Variants in CSRNP3 observed in about 807,000 individuals in gnomAD.
CSRNP3 encodes cysteine and serine rich nuclear protein 3, also known as cysteine/serine-rich nuclear protein 3.
A neutral mutation model predicts 48.0 loss-of-function variants in CSRNP3; 12 were observed. The ratio of observed to expected loss-of-function variants is 0.25; its 90% CI spans 0.16 to 0.41. CSRNP3 has a LOEUF of 0.41. Among genes scored for constraint, CSRNP3 ranks in the 10% least tolerant of loss-of-function variants. The pLI is 1.00. For synonymous variants in CSRNP3, 263 were observed against 269.7 expected, an observed-to-expected ratio of 0.98 and a Z score of 0.24; for missense variants, 580 against 724.4, an observed-to-expected ratio of 0.80 and a Z score of 2.29.
chr2:165,573,573 C>T (rs1685404084), intron 3 of CSRNP3, among the ~76,000 whole-genome samples: 1 of 152,150 alleles, frequency 6.6e-6, no homozygotes, highest in Non-Finnish European at 1.5e-5. Flanking sequence ...GATTTAAATA[C>T]ATAGTTTAAC....
rs1277257289 is a variant in CSRNP3, at chr2:165,676,529, G to A, written c.626G>A (p.Arg209Gln). The A allele has an allele frequency of 1.9e-6, 3 of 1,614,120 alleles. No individual in the cohort carries two copies. The highest frequency in any genetic ancestry group is 2.2e-5 in the East Asian group (1 of 44,852). Residue 209 changes from arginine (R) to glutamine (Q), a missense_variant, in exon 6 of 7, where the codon CGA (arginine) becomes CAA (glutamine). Arg to Gln is a conservative substitution (Grantham distance 43). This residue lies in a region of CSRNP3 where 66 missense variants were observed against 137.6 expected (regional missense o/e 0.48). Coordinates refer to ENST00000651982, the MANE Select transcript of CSRNP3 (RefSeq NM_001172173.2). ...KHELRAIRLS[R>Q]EDCGCDCRVF... The stretch of plus-strand genomic sequence containing the variant: ...GAACTCCGAGCCATCCGCCTCTCAC[G>A]AGAGGACTGTGGCTGTGACTGCCGA...
At chr2:165,479,919 A>G (rs1684017561) in intron 1 of CSRNP3, among the ~76,000 whole-genome samples, 1 of 151,566 alleles carries the variant, frequency 6.6e-6, no homozygotes, top group Non-Finnish European at 1.5e-5. Context: ...CGGTATGGCT[A>G]GGTTCTTTGT....
intron 1 of CSRNP3, among the ~76,000 whole-genome samples, chr2:165,478,986 A>C (rs75415023): frequency 0.032 from 4,841 of 152,312 alleles, 108 homozygotes; most frequent in Non-Finnish European, 0.046. Flanking sequence ...TTATTAACTA[A>C]AGATAAACAG....
chr2:165,556,309 C>T (rs1328172332), intron 3 of CSRNP3, among the ~76,000 whole-genome samples: 1 of 152,094 alleles, frequency 6.6e-6, no homozygotes, highest in Admixed American at 6.6e-5. Context: ...ACTATAGGTT[C>T]ACTGTTTGAC....
intron 3 of CSRNP3, among the ~76,000 whole-genome samples, chr2:165,578,787 T>C (rs1685494715): frequency 6.6e-6 from 1 of 152,148 alleles, no homozygotes; most frequent in Admixed American, 6.5e-5. Context: ...TTATATGTGA[T>C]TTCAAGCTAT....
In CSRNP3 at chr2:165,477,534, T is replaced by C. The variant is rs555820348; in HGVS notation, c.-283+7794T>C. 9.8e-4 allele frequency among the ~76,000 whole-genome samples: 138 copies of C among 140,152 alleles called. 1 individual carries two copies. Among genetic ancestry groups the C allele is most frequent in the Non-Finnish European group, 1.8e-3 (117 of 64,350 alleles). The allele number at this position is 140,152 out of a possible 152,430, so 91.9% of individuals were successfully genotyped here. A position where few individuals can be genotyped will look rare whatever the true frequency, so the allele number is the denominator to read the frequency against. On this transcript the variant is annotated intron_variant, in intron 1 of 6. Transcript: ENST00000651982. ...ATATATATATATTAGCCAGGTGTGG[T>C]CGTGGGTACCTGTAATCCCAGCTAC...
intron 4 of CSRNP3, among the ~76,000 whole-genome samples, chr2:165,636,090 G>A (rs9287860): frequency 0.45 from 68,690 of 151,990 alleles, 17,745 homozygotes; most frequent in South Asian, 0.68. Flanking sequence ...TTAAACTTAC[G>A]TAAATGAATG....
intron 2 of CSRNP3, among the ~76,000 whole-genome samples, chr2:165,504,028 AT>A (rs1171370305): frequency 6.6e-6 from 1 of 152,020 alleles, no homozygotes; most frequent in Non-Finnish European, 1.5e-5. Flanking sequence ...AATGAAAAAT[AT>A]TCTTCCTAAT....
intron 5 of CSRNP3, among the ~76,000 whole-genome samples, chr2:165,676,090 A>G (rs544413852): frequency 6.6e-6 from 1 of 152,318 alleles, no homozygotes; most frequent in South Asian, 2.1e-4. Context: ...TATGAGTTCC[A>G]ATTAACAGTC....
chr2:165,627,722 C>G (rs1379024210), intron 4 of CSRNP3, among the ~76,000 whole-genome samples: 1 of 152,178 alleles, frequency 6.6e-6, no homozygotes, highest in Non-Finnish European at 1.5e-5. Context: ...CATGACCTTA[C>G]TCTCACAATC....
At chr2:165,586,968 T>C (rs551358410) in intron 3 of CSRNP3, among the ~76,000 whole-genome samples, 221 of 152,366 alleles carry the variant, frequency 1.5e-3, no homozygotes, top group South Asian at 5.6e-3. Context: ...CCATTAACTT[T>C]GCCTTCCCAA....
Position 165,687,838 on chromosome 2 carries a change from C to T in CSRNP3, c.*8085C>T, listed in dbSNP as rs1401495743. 1 of 152,002 alleles carries T rather than the reference C, an allele frequency of 6.6e-6. No individual in the cohort carries two copies. The highest frequency in any genetic ancestry group is 6.6e-5 in the Admixed American group (1 of 15,240). 9.4% of individuals were successfully genotyped at this position (152,002 alleles called of 1,614,324 possible). A position where few individuals can be genotyped will look rare whatever the true frequency, so the allele number is the denominator to read the frequency against. On this transcript the variant is annotated 3_prime_UTR_variant, in exon 7 of 7. Transcript: ENST00000651982. ...GAGCTTTCAAAGCCTTTTTTATCTG[C>T]TCAGAGTTGACACCCAACTCAGAGT...
In CSRNP3 at chr2:165,688,995, A is replaced by T. The variant is rs1687674509; in HGVS notation, c.*9242A>T. On this transcript the variant is annotated 3_prime_UTR_variant, in exon 7 of 7. Transcript: ENST00000651982. ...AAAGGAGGAAAATCAACTCCAGTCC[A>T]CACATACAGTCATGTTACATTAAGA... 1 of 152,134 alleles carries T rather than the reference A, an allele frequency of 6.6e-6. No individual in the cohort carries two copies. Among genetic ancestry groups the T allele is most frequent in the African/African-American group, 2.4e-5 (1 of 41,460 alleles). 9.4% of individuals were successfully genotyped at this position (152,134 alleles called of 1,614,324 possible).
chr2:165,512,497 C>T (rs1436531330), intron 2 of CSRNP3, among the ~76,000 whole-genome samples: 1 of 152,166 alleles, frequency 6.6e-6, no homozygotes, highest in African/African-American at 2.4e-5. Flanking sequence ...ATGGTGACCA[C>T]CTCATCTATA....
At chr2:165,668,397 C>CTTTTTT (rs1465526682) in intron 5 of CSRNP3, among the ~76,000 whole-genome samples, 22 of 114,460 alleles carry the variant, frequency 1.9e-4, no homozygotes, top group East Asian at 1.7e-3. Context: ...TTCTTTCTTT[C>CTTTTTT]TTTCTTTTTT....
chr2:165,522,717 T>C (rs561889262), intron 3 of CSRNP3, among the ~76,000 whole-genome samples: 2 of 152,184 alleles, frequency 1.3e-5, no homozygotes, highest in South Asian at 4.1e-4. Flanking sequence ...ATTAGACTTT[T>C]AGTGCCTTTA....
At chr2:165,502,091 A>AT (rs1254024935) in intron 2 of CSRNP3, among the ~76,000 whole-genome samples, 5 of 152,124 alleles carry the variant, frequency 3.3e-5, no homozygotes, top group South Asian at 2.1e-4. Flanking sequence ...TTTTTACGGT[A>AT]TTTTTTCTTA....
intron 1 of CSRNP3, among the ~76,000 whole-genome samples, chr2:165,492,952 AG>A (rs1194452365): frequency 2.0e-5 from 3 of 150,054 alleles, no homozygotes; most frequent in Admixed American, 2.0e-4. Flanking sequence ...AAAAAAAAAA[AG>A]GAGTCACTGG....
chr2:165,591,865 T>G (rs1685723084), intron 3 of CSRNP3, among the ~76,000 whole-genome samples: 1 of 152,188 alleles, frequency 6.6e-6, no homozygotes, highest in African/African-American at 2.4e-5. Flanking sequence ...GTTAGGGCAG[T>G]GCAGAAGGGA....
Sources: allele counts gnomAD v4.1 joint callset (sites outside exome capture counted in the v4.1 genomes callset), GRCh38; gene constraint gnomAD v4.1.1; regional missense constraint gnomAD v4.1.1; transcripts MANE v1.5; gene names NCBI Gene and HGNC (gene_info 2026-07-23, HGNC 2026-07-21).